Variants in USP48 observed in about 807,000 individuals in gnomAD.
USP48 encodes ubiquitin carboxyl-terminal hydrolase 48.
USP48 carries 43 observed loss-of-function variants against 150.7 expected under a neutral mutation model. That is an observed-to-expected ratio of 0.29 (90% confidence interval 0.22 to 0.37). The LOEUF is 0.37. Ranked by LOEUF, USP48 falls within the 10% of genes least tolerant of loss-of-function variation. The pLI is 1.00. For missense variants in USP48, 813 were observed against 1,249.6 expected (o/e 0.65, Z 5.27); for synonymous variants, 396 against 425.9 (o/e 0.93, Z 0.86).
intron 1 of USP48, among the ~76,000 whole-genome samples, chr1:21,771,329 G>A (rs575037523): frequency 4.0e-5 from 6 of 151,004 alleles, no homozygotes; most frequent in East Asian, 1.9e-4. Context: ...AGCAAAGATC[G>A]TGCCACTGCA....
rs981197826 is a variant in USP48 at position 21,747,236 on chromosome 1, A to G, written c.909-87T>C. 17 of 822,848 alleles carry G rather than the reference A, an allele frequency of 2.1e-5. No individual in the cohort carries two copies. In the African/African-American group the frequency reaches 2.3e-4, roughly 11 times the overall value. 51.0% of individuals were successfully genotyped at this position (822,848 alleles called of 1,614,324 possible). A position where few individuals can be genotyped will look rare whatever the true frequency, so the allele number is the denominator to read the frequency against. On this transcript the variant is annotated intron_variant, in intron 7 of 26. Transcript: ENST00000308271. ...TCTATTAGCTATTTTAATAAACTCA[A>G]CAGTAGCTAGCTTTCACTTCACAAT...
chr1:21,737,733 A>C (rs1193165187), intron 8 of USP48, among the ~76,000 whole-genome samples: 2 of 152,224 alleles, frequency 1.3e-5, no homozygotes, highest in Non-Finnish European at 2.9e-5. Context: ...ATCTTTTCAC[A>C]TCATTATTCT....
chr1:21,763,018 T>C (rs2152621936), intron 1 of USP48, among the ~76,000 whole-genome samples: 1 of 152,000 alleles, frequency 6.6e-6, no homozygotes, highest in Non-Finnish European at 1.5e-5. Flanking sequence ...ATTCAGACAA[T>C]GAAGAAAAGG....
chr1:21,691,102 G>A (rs1168863353), intron 23 of USP48, among the ~76,000 whole-genome samples: 3 of 152,070 alleles, frequency 2.0e-5, no homozygotes, highest in Non-Finnish European at 4.4e-5. Flanking sequence ...ATCACCTCAC[G>A]TCAGGAGTTC....
intron 14 of USP48, among the ~76,000 whole-genome samples, chr1:21,719,859 G>A (rs1207804959): frequency 6.6e-6 from 1 of 151,744 alleles, no homozygotes; most frequent in East Asian, 1.9e-4. Flanking sequence ...ACTCCAGCCT[G>A]AGCAAAAAGA....
intron 3 of USP48, among the ~76,000 whole-genome samples, chr1:21,755,279 G>C (rs1305734910): frequency 7.1e-6 from 1 of 141,384 alleles, no homozygotes; most frequent in Non-Finnish European, 1.6e-5. Context: ...AGCTATTCAA[G>C]GCCAGGTGCT....
At chr1:21,689,845 C>T in intron 24 of USP48, 129 bp downstream of exon 24, 1 of 1,299,452 alleles carries the variant, frequency 7.7e-7, no homozygotes, top group Non-Finnish European at 1.0e-6. Flanking sequence ...CAAAAACCCA[C>T]AGCAGTCATT....
At position 21,704,512 on chromosome 1, in the gene USP48, G is replaced by A. The variant is rs2097666444; in HGVS notation, c.2385-120C>T. The A allele has an allele frequency of 2.2e-5, 25 of 1,115,466 alleles. No homozygotes were observed. The South Asian group carries it at 5.3e-4, about 24-fold the overall frequency. 69.1% of individuals were successfully genotyped at this position (1,115,466 alleles called of 1,614,324 possible). On this transcript the variant is annotated intron_variant, in intron 19 of 26. Transcript: ENST00000308271. ...TAACATTTAATCCAAAGGAATTAGA[G>A]AGAAAAGATACGTATCATCAACAAA... is the stretch of plus-strand genomic sequence containing the variant.
chr1:21,763,183 C>T (rs1236255564), intron 1 of USP48, among the ~76,000 whole-genome samples: 1 of 152,152 alleles, frequency 6.6e-6, no homozygotes, highest in African/African-American at 2.4e-5. Flanking sequence ...TTATTAGGCC[C>T]CACAACACTG....
At chr1:21,693,200 A>C (rs1369783400) in intron 23 of USP48, among the ~76,000 whole-genome samples, 11 of 152,204 alleles carry the variant, frequency 7.2e-5, no homozygotes, top group Admixed American at 2.6e-4. Context: ...TAATACAACT[A>C]AACACTGCAC....
At position 21,772,623 on chromosome 1, in the gene USP48, A is replaced by C. The variant is rs550168553; in HGVS notation, c.134+10201T>G. Among the ~76,000 whole-genome samples the C allele has an allele frequency of 6.5e-5, 9 of 139,018 alleles. No homozygotes were observed. In the East Asian group the frequency reaches 2.0e-3, roughly 31 times the overall value. 91.2% of individuals were successfully genotyped at this position (139,018 alleles called of 152,430 possible). ...GGGTGACACAGCGAGGCTCCATCTC[A>C]AAAAAAAAAAAAACTAGGCCAGGCG... On this transcript the variant is annotated intron_variant, in intron 1 of 26. Coordinates refer to ENST00000308271, the MANE Select transcript of USP48 (RefSeq NM_032236.8).
intron 25 of USP48, among the ~76,000 whole-genome samples, chr1:21,684,947 G>C (rs2097576718): frequency 6.6e-6 from 1 of 152,084 alleles, no homozygotes; most frequent in African/African-American, 2.4e-5. Flanking sequence ...TAGCTTTGTA[G>C]TATATTTTGA....
intron 8 of USP48, among the ~76,000 whole-genome samples, chr1:21,745,238 A>G (rs2097791851): frequency 6.6e-6 from 1 of 152,152 alleles, no homozygotes; most frequent in Admixed American, 6.5e-5. Context: ...AAACCACTAG[A>G]TTGCTTTTAC....
intron 25 of USP48, 158 bp downstream of exon 25, chr1:21,687,029 CCTTT>C: frequency 1.5e-6 from 1 of 672,308 alleles, no homozygotes; most frequent in Non-Finnish European, 2.5e-6. Flanking sequence ...ATCTTTCCCT[CCTTT>C]CTATGATCTT....
chr1:21,765,620 A>AAAAAAAGGGGG (rs2097859830), intron 1 of USP48, among the ~76,000 whole-genome samples: 1 of 150,886 alleles, frequency 6.6e-6, no homozygotes, highest in Admixed American at 6.6e-5. Context: ...CTGTCAAAAA[A>AAAAAAAGGGGG]AAAAAGGGGG....
intron 15 of USP48, among the ~76,000 whole-genome samples, chr1:21,712,627 CCTTTTT>C (rs1375505060): frequency 2.2e-5 from 3 of 137,442 alleles, no homozygotes; most frequent in Non-Finnish European, 4.8e-5. Flanking sequence ...AGAAAACTAT[CCTTTTT>C]TTTTTTTTTT....
intron 22 of USP48, among the ~76,000 whole-genome samples, chr1:21,695,425 C>T (rs763120840): frequency 5.9e-5 from 9 of 152,230 alleles, no homozygotes; most frequent in Non-Finnish European, 1.2e-4. Flanking sequence ...GAGTAATACA[C>T]ACCTCTAAGT....
intron 1 of USP48, among the ~76,000 whole-genome samples, chr1:21,767,485 C>A (rs1156596800): frequency 6.6e-6 from 1 of 151,868 alleles, no homozygotes; most frequent in African/African-American, 2.4e-5. Flanking sequence ...TCACCATGCC[C>A]GGCTAATTTT....
intron 15 of USP48, 47 bp downstream of exon 15, chr1:21,715,342 T>TA (rs760845876): frequency 1.5e-4 from 218 of 1,457,648 alleles, no homozygotes; most frequent in Middle Eastern, 1.1e-3. Flanking sequence ...AAGCTAAAAG[T>TA]AAAAAAAAGG....
Sources: allele counts gnomAD v4.1 joint callset (sites outside exome capture counted in the v4.1 genomes callset), GRCh38; gene constraint gnomAD v4.1.1; transcripts MANE v1.5; gene names NCBI Gene and HGNC (gene_info 2026-07-23, HGNC 2026-07-21).